The following OSBPL3 variants were observed in gnomAD, a reference collection of about 807,000 sequenced individuals.
OSBPL3 encodes oxysterol binding protein like 3.
Under a neutral mutation model 120.1 loss-of-function variants are expected in OSBPL3, and 65 were observed. The observed-to-expected ratio is 0.54, with a 90% CI of 0.44 to 0.67. The LOEUF is 0.67. Among genes scored for constraint, OSBPL3 ranks in the 30% least tolerant of loss-of-function variants. OSBPL3 has a pLI of 0.00. For synonymous variants in OSBPL3, 416 were observed against 402.6 expected (o/e 1.03, Z -0.40); for missense variants, 1,004 against 1,082.1 (o/e 0.93, Z 1.01).
intron 1 of OSBPL3, among the ~76,000 whole-genome samples, chr7:24,920,226 A>G (rs1195785029): frequency 6.6e-6 from 1 of 152,222 alleles, no homozygotes; most frequent in East Asian, 1.9e-4. Flanking sequence ...TAATAGTCAA[A>G]AAGTAGAAAA....
At chr7:24,878,597 C>A (rs528242433) in intron 2 of OSBPL3, among the ~76,000 whole-genome samples, 1 of 152,294 alleles carries the variant, frequency 6.6e-6, no homozygotes, top group African/African-American at 2.4e-5. Context: ...GATGCTAGAC[C>A]AAAACTGTAC....
chr7:24,835,860 A>G lies in OSBPL3; in HGVS notation c.1496-1124T>C, dbSNP rs1274202316. On this transcript the variant is annotated intron_variant, in intron 14 of 22. Coordinates refer to ENST00000313367, the MANE Select transcript of OSBPL3 (RefSeq NM_015550.4). The surrounding 1 kb of genome is among the most constrained non-coding windows in gnomAD (Gnocchi z 4.8). ...CACTTGTAAAGGGGTACTAAACGTT[A>G]GTTCACATGAACATAAAGAAGGGAA... is the stretch of plus-strand genomic sequence containing the variant. Among the ~76,000 whole-genome samples, 1 of 152,216 alleles carries G rather than the reference A, an allele frequency of 6.6e-6. No individual in the cohort carries two copies. The highest frequency in any genetic ancestry group is 1.9e-4 in the East Asian group (1 of 5,198).
rs1487819051 is a variant in OSBPL3 at position 24,831,201 on chromosome 7, GT to G, written c.1747-297del. 6.6e-6 allele frequency among the ~76,000 whole-genome samples: 1 copy of G among 152,164 alleles called. No homozygotes were observed. Among genetic ancestry groups the G allele is most frequent in the African/African-American group, 2.4e-5 (1 of 41,444 alleles). Reference sequence around the variant, plus strand: ...CTGGACTACACTGTTTCTGGAAACTGTTAAGCTGAGTCCAGTACTTTTAAGC... The same window carrying G: ...CTGGACTACACTGTTTCTGGAAACTGTAAGCTGAGTCCAGTACTTTTAAGC... On this transcript the variant is annotated intron_variant, in intron 15 of 22. Coordinates refer to ENST00000313367, the MANE Select transcript of OSBPL3 (RefSeq NM_015550.4). This position sits in a 1 kb window ranked among gnomAD's most constrained non-coding sequence, Gnocchi z 4.0.
intron 1 of OSBPL3, among the ~76,000 whole-genome samples, chr7:24,909,551 A>G (rs1281119017): frequency 6.6e-6 from 1 of 152,178 alleles, no homozygotes; most frequent in Non-Finnish European, 1.5e-5. Flanking sequence ...TGTTAAAGTT[A>G]CCTAATTTTT....
rs1795499521 is a variant in OSBPL3, at chr7:24,824,748, A to G, written c.1885-4510T>C. On this transcript the variant is annotated intron_variant, in intron 16 of 22. Transcript: ENST00000313367. The surrounding 1 kb of genome is among the most constrained non-coding windows in gnomAD (Gnocchi z 4.9). ...TAAGAAGCACATAATTTGTCAGTAG[A>G]AATTGTGTTAAGGAAAATAAAGCAG... 6.6e-6 allele frequency among the ~76,000 whole-genome samples: 1 copy of G among 152,206 alleles called. No homozygotes were observed. Among genetic ancestry groups the G allele is most frequent in the African/African-American group, 2.4e-5 (1 of 41,432 alleles).
intron 1 of OSBPL3, among the ~76,000 whole-genome samples, chr7:24,941,607 T>C (rs1813118573): frequency 6.6e-6 from 1 of 152,192 alleles, no homozygotes; most frequent in Non-Finnish European, 1.5e-5. Context: ...GCTTTCAAGC[T>C]CTTATAGCAC....
chr7:24,864,003 A>G (rs1800960656), intron 7 of OSBPL3, among the ~76,000 whole-genome samples: 2 of 152,332 alleles, frequency 1.3e-5, no homozygotes, highest in African/African-American at 4.8e-5. Context: ...CATCATCATC[A>G]TCATCATCAC....
At position 24,902,513 on chromosome 7, in the gene OSBPL3, C is replaced by T. The variant is rs144605561; in HGVS notation, c.-149-9892G>A. 1.1e-4 allele frequency among the ~76,000 whole-genome samples: 16 copies of T among 152,170 alleles called. No individual in the cohort carries two copies. The East Asian group carries it at 3.1e-3, about 29-fold the overall frequency. The stretch of plus-strand genomic sequence containing the variant: ...TAAAGATGCTGATGCAATGAACAAA[C>T]TTGTATCTGCTCCCCATGAGGCTGT... On this transcript the variant is annotated intron_variant, in intron 1 of 22. Coordinates refer to ENST00000313367, the MANE Select transcript of OSBPL3 (RefSeq NM_015550.4).
rs80343489 is a variant in OSBPL3, at chr7:24,947,850, T to C, written c.-150+32036A>G. On this transcript the variant is annotated intron_variant, in intron 1 of 22. Coordinates refer to ENST00000313367, the MANE Select transcript of OSBPL3 (RefSeq NM_015550.4). This position sits in a 1 kb window ranked among gnomAD's most constrained non-coding sequence, Gnocchi z 4.4. ...CATGTGCCAGATTCTGTGATCGGTG[T>C]TGGTAATTTGACACTGTACAGGGGA... is the stretch of plus-strand genomic sequence containing the variant. Among the ~76,000 whole-genome samples, 4,838 of 152,042 alleles carry C rather than the reference T, an allele frequency of 0.032. 130 individuals are homozygous for C. The highest frequency in any genetic ancestry group is 0.051 in the Non-Finnish European group (3,487 of 67,974).
At chr7:24,825,091 G>A (rs1249414244) in intron 16 of OSBPL3, among the ~76,000 whole-genome samples, 1 of 152,192 alleles carries the variant, frequency 6.6e-6, no homozygotes, top group Non-Finnish European at 1.5e-5. Flanking sequence ...AAGTGACTTG[G>A]GAAGTTGGTG....
Position 24,851,810 on chromosome 7 carries a change from G to T in OSBPL3, c.1158+694C>A, listed in dbSNP as rs1799190750. Among the ~76,000 whole-genome samples the T allele has an allele frequency of 6.6e-6, 1 of 152,104 alleles. No homozygotes were observed. The highest frequency in any genetic ancestry group is 6.5e-5 in the Admixed American group (1 of 15,270). On this transcript the variant is annotated intron_variant, in intron 11 of 22. Coordinates refer to ENST00000313367, the MANE Select transcript of OSBPL3 (RefSeq NM_015550.4). The surrounding 1 kb of genome is among the most constrained non-coding windows in gnomAD (Gnocchi z 4.1). Reference sequence around the variant, plus strand: ...TTTAATGGAGCCTAACTATTCTGAGGAATTAATTGAAACTGATGAAAAAAG... The same window carrying T: ...TTTAATGGAGCCTAACTATTCTGAGTAATTAATTGAAACTGATGAAAAAAG...
At chr7:24,907,786 C>T (rs555577868) in intron 1 of OSBPL3, among the ~76,000 whole-genome samples, 5 of 152,180 alleles carry the variant, frequency 3.3e-5, no homozygotes, top group Non-Finnish European at 5.9e-5. Flanking sequence ...GTATTAGTCA[C>T]GTTTCCTGCA....
intron 1 of OSBPL3, among the ~76,000 whole-genome samples, chr7:24,910,514 A>G (rs919628517): frequency 6.6e-6 from 1 of 152,264 alleles, no homozygotes; most frequent in African/African-American, 2.4e-5. Context: ...AGACAGGCAC[A>G]CTGATGAAAA....
chr7:24,887,164 GT>G (rs1804645862), intron 2 of OSBPL3, among the ~76,000 whole-genome samples: 1 of 152,196 alleles, frequency 6.6e-6, no homozygotes, highest in Admixed American at 6.5e-5. Context: ...TAAAGGAATA[GT>G]GGAGCCAAAA....
intron 22 of OSBPL3, among the ~76,000 whole-genome samples, chr7:24,800,617 C>T (rs1050284070): frequency 5.9e-5 from 9 of 151,750 alleles, no homozygotes; most frequent in East Asian, 3.9e-4. Flanking sequence ...CAACCATGCC[C>T]GACTAATTTT....
At position 24,876,228 on chromosome 7, in the gene OSBPL3, C is replaced by A. The variant is rs1020996294; in HGVS notation, c.97-4159G>T. ...TCTTTATTTCCACTTTGGCGATTTA[C>A]TTATATTTTGGCCTCCCAGAATCTT... is the stretch of plus-strand genomic sequence containing the variant. On this transcript the variant is annotated intron_variant, in intron 2 of 22. Transcript: ENST00000313367. 1.1e-4 allele frequency among the ~76,000 whole-genome samples: 17 copies of A among 152,220 alleles called. No homozygotes were observed. In the East Asian group the frequency reaches 1.4e-3, roughly 12 times the overall value.
At chr7:24,960,541 C>T (rs1296984391) in intron 1 of OSBPL3, among the ~76,000 whole-genome samples, 1 of 152,056 alleles carries the variant, frequency 6.6e-6, no homozygotes, top group Non-Finnish European at 1.5e-5. Flanking sequence ...TTCCATTGGG[C>T]TGTGAAATAT....
intron 1 of OSBPL3, among the ~76,000 whole-genome samples, chr7:24,902,227 CACA>C (rs1807131637): frequency 6.6e-6 from 1 of 152,118 alleles, no homozygotes; most frequent in Non-Finnish European, 1.5e-5. Context: ...TGCACAACAT[CACA>C]ATAGGTATTT....
chr7:24,946,982 T>G lies in OSBPL3; in HGVS notation c.-150+32904A>C, dbSNP rs1322859162. ...TCAAAACGAAAAGGATAAGCATTATTGTTCATTATTCTTGCCGCTTTCATG... is the reference window on the plus strand; with the variant it reads ...TCAAAACGAAAAGGATAAGCATTATGGTTCATTATTCTTGCCGCTTTCATG... On this transcript the variant is annotated intron_variant, in intron 1 of 22. Coordinates refer to ENST00000313367, the MANE Select transcript of OSBPL3 (RefSeq NM_015550.4). This position sits in a 1 kb window ranked among gnomAD's most constrained non-coding sequence, Gnocchi z 4.3. Among the ~76,000 whole-genome samples the G allele has an allele frequency of 1.3e-5, 2 of 152,254 alleles. No homozygotes were observed. The highest frequency in any genetic ancestry group is 4.8e-5 in the African/African-American group (2 of 41,470).
Sources: allele counts gnomAD v4.1 joint callset (sites outside exome capture counted in the v4.1 genomes callset), GRCh38; gene constraint gnomAD v4.1.1; non-coding constraint Gnocchi (gnomAD v3.1); transcripts MANE v1.5; gene names NCBI Gene and HGNC (gene_info 2026-07-23, HGNC 2026-07-21).